The following CAPG variants were observed in gnomAD, a reference collection of about 807,000 sequenced individuals.
CAPG encodes the protein capping actin protein, gelsolin like.
A neutral mutation model predicts 44.6 loss-of-function variants in CAPG; 32 were observed. That is an observed-to-expected ratio of 0.72 (90% CI 0.54 to 0.96). The LOEUF (loss-of-function observed/expected upper bound fraction) is 0.96, where lower values mean the gene tolerates loss of function less well. CAPG is among the 50% of genes least tolerant of loss of function. The pLI, the probability that CAPG is intolerant of heterozygous loss-of-function variation, is 0.00. For missense variants in CAPG, 412 were observed against 438.3 expected, an observed-to-expected ratio of 0.94 and a Z score of 0.54; for synonymous variants, 175 against 179.6, an observed-to-expected ratio of 0.97 and a Z score of 0.20.
chr2:85,407,955 C>T (rs1197634010), intron 1 of CAPG, among the ~76,000 whole-genome samples: 2 of 152,034 alleles, frequency 1.3e-5, no homozygotes, highest in East Asian at 1.9e-4. Context: ...TGACCTCTGG[C>T]CTTTCATTCT....
At chr2:85,412,929 A>G (rs1253431507), upstream of CAPG, among the ~76,000 whole-genome samples, 5 of 152,214 alleles carry the variant, frequency 3.3e-5, no homozygotes, top group African/African-American at 1.2e-4. Context: ...ATTAATGAGC[A>G]AATAATACAT....
intron 5 of CAPG, among the ~76,000 whole-genome samples, chr2:85,400,218 T>C (rs1234483017): frequency 6.6e-6 from 1 of 152,192 alleles, no homozygotes; most frequent in Non-Finnish European, 1.5e-5. Flanking sequence ...AAAATAAATA[T>C]TGACTGACTG....
chr2:85,411,749 G>A (rs1363904379), upstream of CAPG, among the ~76,000 whole-genome samples: 1 of 152,130 alleles, frequency 6.6e-6, no homozygotes, highest in Non-Finnish European at 1.5e-5. Context: ...GACTGCGTGG[G>A]AAAAGTCTGG....
intron 1 of CAPG, among the ~76,000 whole-genome samples, chr2:85,409,078 C>G (rs1378887859): frequency 6.6e-6 from 1 of 152,124 alleles, no homozygotes; most frequent in East Asian, 1.9e-4. Context: ...CGCCTACCTC[C>G]ACTACTACAC....
At chr2:85,403,892 A>C (rs924742253) in intron 1 of CAPG, among the ~76,000 whole-genome samples, 2 of 150,110 alleles carry the variant, frequency 1.3e-5, no homozygotes, top group South Asian at 2.1e-4. Flanking sequence ...ATCTCAAAAA[A>C]AAAAAAAAAA....
chr2:85,404,273 C>CAA lies in CAPG; in HGVS notation c.-13-2117_-13-2116dup, dbSNP rs75426587. Among the ~76,000 whole-genome samples, 318 of 94,430 alleles carry CAA rather than the reference C, an allele frequency of 3.4e-3. 4 individuals are homozygous for CAA. Among genetic ancestry groups the CAA allele is most frequent in the African/African-American group, 0.01 (287 of 28,220 alleles). 61.9% of individuals were successfully genotyped at this position (94,430 alleles called of 152,430 possible). ...TAAATAAATAAAGCCGCTCACAACGCAAAAAAAAAAAAAACAGGCCAAAAT... is the reference window on the plus strand; with the variant it reads ...TAAATAAATAAAGCCGCTCACAACGCAAAAAAAAAAAAAAAACAGGCCAAAAT... On this transcript the variant is annotated intron_variant, in intron 1 of 9. Coordinates refer to ENST00000263867, the MANE Select transcript of CAPG (RefSeq NM_001747.4).
chr2:85,392,444 G>A (rs1686422088), downstream of CAPG, among the ~76,000 whole-genome samples: 1 of 151,810 alleles, frequency 6.6e-6, no homozygotes. Flanking sequence ...TGGGGAGTGG[G>A]GGGCAGGTGA....
intron 1 of CAPG, among the ~76,000 whole-genome samples, chr2:85,404,144 G>C (rs923126056): frequency 6.6e-6 from 1 of 151,696 alleles, no homozygotes; most frequent in African/African-American, 2.4e-5. Flanking sequence ...ACCTTGATTT[G>C]ATCATTATAC....
intron 1 of CAPG, among the ~76,000 whole-genome samples, chr2:85,404,950 AAT>A (rs1553426751): frequency 0.055 from 8,001 of 145,948 alleles, 221 homozygotes; most frequent in East Asian, 0.09. Context: ...AAAAAAAAAA[AAT>A]TTTTTTTTTA....
chr2:85,415,509 T>A (rs1025455765), intron 1 of CAPG, among the ~76,000 whole-genome samples: 27 of 152,202 alleles, frequency 1.8e-4, no homozygotes, highest in Non-Finnish European at 5.9e-5. Flanking sequence ...TACCAAGATA[T>A]AAAACACTTC....
chr2:85,416,638 G>A (rs1412415233), intron 1 of CAPG, among the ~76,000 whole-genome samples: 10 of 151,988 alleles, frequency 6.6e-5, no homozygotes, highest in African/African-American at 9.7e-5. Flanking sequence ...TCAGCCTCCC[G>A]AATATCTGGG....
chr2:85,409,814 A>G (rs1209949883), intron 1 of CAPG: 1 of 152,208 alleles, frequency 6.6e-6, no homozygotes, highest in East Asian at 1.9e-4. Flanking sequence ...AGAGTTTGCA[A>G]AATAATCAAA....
chr2:85,398,826 T>C (rs755382456), intron 6 of CAPG, 44 bp from the exon 7 acceptor site: 3 of 1,436,356 alleles, frequency 2.1e-6, no homozygotes, highest in Non-Finnish European at 1.9e-6. Flanking sequence ...ACCCCTGCCC[T>C]GGAACTTCCC....
intron 1 of CAPG, among the ~76,000 whole-genome samples, chr2:85,408,338 T>TCTCACACA (rs1425371847): frequency 8.6e-4 from 112 of 129,574 alleles, no homozygotes; most frequent in East Asian, 2.7e-3. Context: ...GAAGAATCTG[T>TCTCACACA]CACACACACA....
rs1031907485 is a variant in CAPG, at chr2:85,395,856, G to A, written c.893-230C>T. The A allele has an allele frequency of 4.5e-5, 24 of 535,206 alleles. No homozygotes were observed. The highest frequency in any genetic ancestry group is 7.8e-5 in the Non-Finnish European group (23 of 295,986). The allele number at this position is 535,206 out of a possible 1,614,324, so 33.2% of individuals were successfully genotyped here. On this transcript the variant is annotated intron_variant, in intron 8 of 9. Coordinates refer to ENST00000263867, the MANE Select transcript of CAPG (RefSeq NM_001747.4). This position sits in a 1 kb window ranked among gnomAD's most constrained non-coding sequence, Gnocchi z 4.3. The stretch of plus-strand genomic sequence containing the variant: ...TAGATGAAAACCCCTCGTCTGCCCG[G>A]GTCTGATCATGCAAAACTCTGCTCT...
intron 8 of CAPG, among the ~76,000 whole-genome samples, 179 bp downstream of exon 8, chr2:85,397,841 G>A (rs955119511): frequency 2.0e-5 from 3 of 152,166 alleles, no homozygotes; most frequent in Non-Finnish European, 4.4e-5. Context: ...AACATAGAAA[G>A]AACCCATCTC....
At chr2:85,406,384 C>T (rs1377348139) in intron 1 of CAPG, among the ~76,000 whole-genome samples, 1 of 152,200 alleles carries the variant, frequency 6.6e-6, no homozygotes, top group Non-Finnish European at 1.5e-5. Context: ...ACCCCGTAGG[C>T]CCATCTGTGT....
rs1686561574 is a variant in CAPG at position 85,395,606 on chromosome 2, CCTT to C, written c.910_912del (p.Lys304del). 2 of 1,613,832 alleles carry C rather than the reference CCTT, an allele frequency of 1.2e-6. No homozygotes were observed. The highest frequency in any genetic ancestry group is 1.7e-5 in the Admixed American group (1 of 60,008). ...GCCACCTGCAGGGCTGCCTGCCGCTCCTTCTCATTCGCTTTTCGCCCTAGATCA... is the reference window on the plus strand; with the variant it reads ...GCCACCTGCAGGGCTGCCTGCCGCTCCTCATTCGCTTTTCGCCCTAGATCA... On this transcript the variant is annotated inframe_deletion, in exon 9 of 10. Transcript: ENST00000263867. This position sits in a 1 kb window ranked among gnomAD's most constrained non-coding sequence, Gnocchi z 4.3.
chr2:85,392,385 G>A (rs1251342112), downstream of CAPG, among the ~76,000 whole-genome samples: 9 of 130,558 alleles, frequency 6.9e-5, no homozygotes, highest in Non-Finnish European at 1.0e-4. Context: ...GCGAGACTCC[G>A]TCTCAAAAAA....
Sources: allele counts gnomAD v4.1 joint callset (sites outside exome capture counted in the v4.1 genomes callset), GRCh38; gene constraint gnomAD v4.1.1; non-coding constraint Gnocchi (gnomAD v3.1); transcripts MANE v1.5; gene names NCBI Gene and HGNC (gene_info 2026-07-23, HGNC 2026-07-21).